The following FNDC1 variants were observed in gnomAD, a reference collection of about 807,000 sequenced individuals.
The protein encoded by FNDC1 is fibronectin type III domain containing 1.
Under a neutral mutation model 168.0 loss-of-function variants are expected in FNDC1, and 96 were observed. The ratio of observed to expected loss-of-function variants is 0.57; its 90% CI spans 0.48 to 0.68. The LOEUF is 0.68. Ranked by LOEUF, FNDC1 falls within the 30% of genes least tolerant of loss-of-function variation. The pLI, the probability that FNDC1 is intolerant of heterozygous loss-of-function variation, is 0.00. For missense variants in FNDC1, 2,587 were observed against 2,482.1 expected, an observed-to-expected ratio of 1.04 and a Z score of -0.90; for synonymous variants, 1,099 against 1,025.9, an observed-to-expected ratio of 1.07 and a Z score of -1.36.
At chr6:159,176,401 G>A (rs1781762408) in intron 1 of FNDC1, among the ~76,000 whole-genome samples, 1 of 152,228 alleles carries the variant, frequency 6.6e-6, no homozygotes, top group Admixed American at 6.5e-5. Flanking sequence ...ATACAGACAG[G>A]TGATACGTGC....
chr6:159,225,619 G>A lies in FNDC1; in HGVS notation c.969G>A (p.Glu323=). 1 of 1,613,948 alleles carries A rather than the reference G, an allele frequency of 6.2e-7. No individual in the cohort carries two copies. Among genetic ancestry groups the A allele is most frequent in the Non-Finnish European group, 8.5e-7 (1 of 1,179,876 alleles). The change falls in exon 8 of 23, where the codon GAG becomes GAA. Residue 323 remains glutamate (E), a synonymous_variant. Transcript: ENST00000297267. ...TCGCTAACAGGCGTGTGCTGATTGA[G>A]AACCTGATTCCAGACACTGTGTATG... ...KQIANRRVLI[E]NLIPDTVYEF... is the part of the protein sequence containing the mutation.
At chr6:159,201,078 G>T (rs554736993) in intron 4 of FNDC1, among the ~76,000 whole-genome samples, 3 of 152,328 alleles carry the variant, frequency 2.0e-5, no homozygotes, top group Non-Finnish European at 4.4e-5. Flanking sequence ...TTCTCATTTG[G>T]ATGTTGATGT....
At chr6:159,238,486 A>G in intron 12 of FNDC1, 68 bp from the exon 13 acceptor site, 1 of 1,037,194 alleles carries the variant, frequency 9.6e-7, no homozygotes, top group Non-Finnish European at 1.4e-6. Context: ...GTATATACAT[A>G]TATAATTGGA....
At position 159,256,519 on chromosome 6, in the gene FNDC1, T is replaced by C; in HGVS notation, c.5066-4T>C. The C allele has an allele frequency of 1.9e-6, 3 of 1,609,122 alleles. No homozygotes were observed. Among genetic ancestry groups the C allele is most frequent in the Non-Finnish European group, 2.5e-6 (3 of 1,176,504 alleles). Reference sequence around the variant, plus strand: ...CATTGGGTTTTTCCTGTTTCCATTTTCAGGTTACTTGGTTTACAGTGCATC... The same window carrying C: ...CATTGGGTTTTTCCTGTTTCCATTTCCAGGTTACTTGGTTTACAGTGCATC... On this transcript the variant is annotated splice_region_variant and splice_polypyrimidine_tract_variant and intron_variant, in intron 17 of 22. Transcript: ENST00000297267.
chr6:159,203,411 G>A (rs903400458), intron 4 of FNDC1, among the ~76,000 whole-genome samples: 1 of 152,150 alleles, frequency 6.6e-6, no homozygotes, highest in African/African-American at 2.4e-5. Flanking sequence ...AGGAGGAGGA[G>A]GACCATGCCA....
Position 159,253,779 on chromosome 6 carries a change from A to G in FNDC1, c.5065+2247A>G, listed in dbSNP as rs577935799. Among the ~76,000 whole-genome samples the G allele has an allele frequency of 4.6e-5, 7 of 152,338 alleles. No homozygotes were observed. The South Asian group carries it at 1.2e-3, about 27-fold the overall frequency. On this transcript the variant is annotated intron_variant, in intron 17 of 22. Coordinates refer to ENST00000297267, the MANE Select transcript of FNDC1 (RefSeq NM_032532.3). ...GCAAGCACCTTATCAAAACCCAGAC[A>G]CAGGATCAGCCGAGAAACCAGTGCC...
chr6:159,173,819 G>T (rs941905953), intron 1 of FNDC1, among the ~76,000 whole-genome samples: 1 of 152,204 alleles, frequency 6.6e-6, no homozygotes, highest in African/African-American at 2.4e-5. Context: ...CTTTAAGGGA[G>T]AATCTATTTC....
In FNDC1 at chr6:159,251,387, G is replaced by A. The variant is rs551392; in HGVS notation, c.4920G>A (p.Leu1640=). The change falls in exon 17 of 23, where the codon CTG becomes CTA. Residue 1640 remains leucine (L), a synonymous_variant. Coordinates refer to ENST00000297267, the MANE Select transcript of FNDC1 (RefSeq NM_032532.3). ...TGGATCACTTCCAAGTGGACAGCCT[G>A]GATGAAATCATCCCCAATGACCTGA... is the stretch of plus-strand genomic sequence containing the variant. ...DALDHFQVDS[L]DEIIPNDLKK... The A allele has an allele frequency of 6.2e-7, 1 of 1,613,772 alleles. No homozygotes were observed. Among genetic ancestry groups the A allele is most frequent in the Non-Finnish European group, 8.5e-7 (1 of 1,179,832 alleles).
chr6:159,208,700 G>A (rs1329182576), intron 4 of FNDC1, among the ~76,000 whole-genome samples: 2 of 152,166 alleles, frequency 1.3e-5, no homozygotes, highest in Non-Finnish European at 2.9e-5. Flanking sequence ...TGCCATACCT[G>A]TGATTCTCAG....
chr6:159,200,646 T>C, intron 4 of FNDC1, 65 bp downstream of exon 4: 2 of 1,310,030 alleles, frequency 1.5e-6, no homozygotes, highest in South Asian at 1.3e-5. Flanking sequence ...AAGAGAGTTG[T>C]GCTTCCGTCA....
intron 13 of FNDC1, among the ~76,000 whole-genome samples, chr6:159,238,979 G>A (rs554051371): frequency 1.3e-5 from 2 of 152,250 alleles, no homozygotes; most frequent in South Asian, 4.1e-4. Context: ...AGACCCATGA[G>A]CTCAGAATAG....
Position 159,169,846 on chromosome 6 carries a change from T to G in FNDC1, c.109+141T>G, listed in dbSNP as rs1781613162. ...CTCGTCACTCGCGGGTCGGGGCACT[T>G]GGCGCCCTGTGTGGGTGGCGGGAGC... On this transcript the variant is annotated intron_variant, in intron 1 of 22. Transcript: ENST00000297267. This position sits in a 1 kb window ranked among gnomAD's most constrained non-coding sequence, Gnocchi z 6.8. 3.9e-6 allele frequency: 1 copy of G among 256,580 alleles called. No homozygotes were observed. The highest frequency in any genetic ancestry group is 5.7e-5 in the Admixed American group (1 of 17,568). 15.9% of individuals were successfully genotyped at this position (256,580 alleles called of 1,614,324 possible).
rs779384252 is a variant in FNDC1 at position 159,261,938 on chromosome 6, C to CA, written c.5254+679dup. On this transcript the variant is annotated intron_variant, in intron 19 of 22. Coordinates refer to ENST00000297267, the MANE Select transcript of FNDC1 (RefSeq NM_032532.3). ...GCAACACAGGGAGGTCCTGTTTCTA[C>CA]AAAAAAAAAATTTTTTTTAATTAGC... Among the ~76,000 whole-genome samples the CA allele has an allele frequency of 7.5e-3, 808 of 107,180 alleles. 3 individuals carry two copies. Among genetic ancestry groups the CA allele is most frequent in the Middle Eastern group, 0.043 (8 of 184 alleles). The allele number at this position is 107,180 out of a possible 152,430, so 70.3% of individuals were successfully genotyped here.
At chr6:159,173,859 A>G (rs1479908165) in intron 1 of FNDC1, among the ~76,000 whole-genome samples, 1 of 152,180 alleles carries the variant, frequency 6.6e-6, no homozygotes, top group Non-Finnish European at 1.5e-5. Flanking sequence ...AGAGGTGCCC[A>G]CATCCTTGGT....
At chr6:159,225,064 A>G (rs1448206356) in intron 7 of FNDC1, among the ~76,000 whole-genome samples, 1 of 152,132 alleles carries the variant, frequency 6.6e-6, no homozygotes, top group Admixed American at 6.6e-5. Context: ...TCCTGAACCT[A>G]TGGAAAACAT....
chr6:159,250,737 T>C (rs761144722), intron 16 of FNDC1, among the ~76,000 whole-genome samples: 2 of 152,220 alleles, frequency 1.3e-5, no homozygotes, highest in Admixed American at 1.3e-4. Context: ...TGAGTAGCTA[T>C]TGTTATACTG....
intron 9 of FNDC1, among the ~76,000 whole-genome samples, chr6:159,226,854 C>T (rs1782965408): frequency 6.6e-6 from 1 of 152,172 alleles, no homozygotes; most frequent in Admixed American, 6.6e-5. Flanking sequence ...ATAACCTTTT[C>T]CCATCTGAAC....
At chr6:159,257,230 T>G (rs780553740) in intron 18 of FNDC1, among the ~76,000 whole-genome samples, 9 of 152,056 alleles carry the variant, frequency 5.9e-5, no homozygotes, top group Non-Finnish European at 1.0e-4. Flanking sequence ...GCCATCTGGT[T>G]TTGGTGGTAA....
intron 1 of FNDC1, among the ~76,000 whole-genome samples, chr6:159,170,935 G>C (rs1211498621): frequency 6.6e-6 from 1 of 152,076 alleles, no homozygotes; most frequent in African/African-American, 2.4e-5. Context: ...ACAACTCCTG[G>C]CTTTTGTTTT....
Sources: gnomAD v4.1 joint callset for allele counts (sites outside exome capture counted in the v4.1 genomes callset) on GRCh38, gnomAD v4.1.1 for gene constraint, Gnocchi (gnomAD v3.1) non-coding constraint, MANE v1.5 for transcripts, NCBI Gene and HGNC (gene_info 2026-07-23, HGNC 2026-07-21) for gene names.